SLC25A15: variants seen among roughly 807,000 people sequenced by gnomAD.
The protein encoded by SLC25A15 is solute carrier family 25 member 15.
In SLC25A15, 24 loss-of-function variants were observed where a neutral mutation model predicts 32.3. That is an observed-to-expected ratio of 0.74 (90% CI 0.54 to 1.04). The LOEUF (loss-of-function observed/expected upper bound fraction) is 1.04. SLC25A15 is among the 50% of genes least tolerant of loss of function. The pLI, the probability that SLC25A15 is intolerant of heterozygous loss-of-function variation, is 0.00. For missense variants in SLC25A15, 317 were observed against 374.5 expected (o/e 0.85, Z 1.27); for synonymous variants, 132 against 142.1 (o/e 0.93, Z 0.51).
Position 40,799,202 on chromosome 13 carries a change from C to T in SLC25A15, c.201C>T (p.Thr67=). The part of the protein sequence containing the change: ...QVGFRGFYKG[T]SPALIANIAE... ...GCTTCCGTGGCTTCTACAAGGGTACCAGTCCAGCACTAATCGCCAACATCG... is the reference window on the plus strand; with the variant it reads ...GCTTCCGTGGCTTCTACAAGGGTACTAGTCCAGCACTAATCGCCAACATCG... Residue 67 remains threonine, a synonymous_variant, in exon 3 of 7, where the codon ACC becomes ACT. Coordinates refer to ENST00000338625, the MANE Select transcript of SLC25A15 (RefSeq NM_014252.4). 4.3e-6 allele frequency: 7 copies of T among 1,614,210 alleles called. No homozygotes were observed. Among genetic ancestry groups the T allele is most frequent in the Non-Finnish European group, 5.1e-6 (6 of 1,180,044 alleles).
Position 40,811,017 on chromosome 13 carries a change from A to C in SLC25A15, c.*1350A>C, listed in dbSNP as rs1425341501. ...CAGTGGGTGAACCTCTCTCAGAGAG[A>C]ACTAGAAAGAACTCAGTGCTTGTAC... On this transcript the variant is annotated 3_prime_UTR_variant, in exon 7 of 7. Transcript: ENST00000338625. Among the ~76,000 whole-genome samples the C allele has an allele frequency of 6.6e-6, 1 of 152,162 alleles. No homozygotes were observed. Among genetic ancestry groups the C allele is most frequent in the Non-Finnish European group, 1.5e-5 (1 of 68,026 alleles).
chr13:40,793,084 T>G lies in SLC25A15; in HGVS notation c.-69-74T>G, dbSNP rs118112567. The G allele has an allele frequency of 3.7e-3, 2,959 of 807,498 alleles. 39 individuals are homozygous for G. The East Asian group carries it at 0.04, about 11-fold the overall frequency. The allele number at this position is 807,498 out of a possible 1,614,324, so 50.0% of individuals were successfully genotyped here. A position where few individuals can be genotyped will look rare whatever the true frequency, so the allele number is the denominator to read the frequency against. ...TCATGGCTCCCAGAAGTTTAGGTTC[T>G]GTAATTTGGCTGCAGGCCTAGAGAA... On this transcript the variant is annotated intron_variant, in intron 1 of 6. Coordinates refer to ENST00000338625, the MANE Select transcript of SLC25A15 (RefSeq NM_014252.4).
intron 2 of SLC25A15, among the ~76,000 whole-genome samples, chr13:40,796,172 G>A (rs1049851129): frequency 6.6e-6 from 1 of 152,220 alleles, no homozygotes; most frequent in Non-Finnish European, 1.5e-5. Flanking sequence ...GCTGCAGCCC[G>A]AGGTGATGTG....
At chr13:40,798,856 C>T (rs1881763351) in intron 2 of SLC25A15, 1 of 985,304 alleles carries the variant, frequency 1.0e-6, no homozygotes. Context: ...GCATGAGCTC[C>T]TTCAGGGTGG....
rs1882469146 is a variant in SLC25A15 at position 40,811,866 on chromosome 13, C to A, written c.*2199C>A. ...CTTAAGCTTTTTGCTGTCCATGAATCCTCTGTGGCAACTGTAATCACAGAG... is the reference window on the plus strand; with the variant it reads ...CTTAAGCTTTTTGCTGTCCATGAATACTCTGTGGCAACTGTAATCACAGAG... On this transcript the variant is annotated 3_prime_UTR_variant, in exon 7 of 7. Coordinates refer to ENST00000338625, the MANE Select transcript of SLC25A15 (RefSeq NM_014252.4). Among the ~76,000 whole-genome samples the A allele has an allele frequency of 6.6e-6, 1 of 152,158 alleles. No individual in the cohort carries two copies. The highest frequency in any genetic ancestry group is 1.5e-5 in the Non-Finnish European group (1 of 68,032).
intron 3 of SLC25A15, among the ~76,000 whole-genome samples, chr13:40,804,767 G>A (rs1419019209): frequency 6.6e-6 from 1 of 151,316 alleles, no homozygotes; most frequent in Non-Finnish European, 1.5e-5. Context: ...AGCCAGGATG[G>A]TCTCGATCTC....
At position 40,807,416 on chromosome 13, in the gene SLC25A15, A is replaced by T; in HGVS notation, c.575A>T (p.Glu192Val). The T allele has an allele frequency of 6.2e-7, 1 of 1,614,150 alleles. No homozygotes were observed. Among genetic ancestry groups the T allele is most frequent in the Non-Finnish European group, 8.5e-7 (1 of 1,180,028 alleles). The change falls in exon 5 of 7, where the codon GAA becomes GTA. Residue 192 changes from glutamate to valine, a missense_variant. Transcript: ENST00000338625. ...TATTTCTTCTTCTTCGGTGGCTATG[A>T]ACTGAGCCGGTCCTTTTTTGCATCA... is the stretch of plus-strand genomic sequence containing the variant. ...PGYFFFFGGY[E>V]LSRSFFASGR...
chr13:40,800,113 T>TA (rs1162914756), intron 3 of SLC25A15, among the ~76,000 whole-genome samples: 1 of 152,194 alleles, frequency 6.6e-6, no homozygotes, highest in African/African-American at 2.4e-5. Context: ...AGGGCAGTCT[T>TA]AGTTATTTCA....
intron 1 of SLC25A15, among the ~76,000 whole-genome samples, chr13:40,791,444 A>G (rs1213105640): frequency 6.7e-6 from 1 of 149,218 alleles, no homozygotes; most frequent in African/African-American, 2.5e-5. Flanking sequence ...TGCAACCTCC[A>G]CCTCCCGGGT....
chr13:40,790,887 T>A (rs1003579789), intron 1 of SLC25A15, among the ~76,000 whole-genome samples: 1 of 152,184 alleles, frequency 6.6e-6, no homozygotes, highest in Non-Finnish European at 1.5e-5. Flanking sequence ...GTGCCTGGCC[T>A]ATTTGTAGAA....
At chr13:40,792,536 T>C (rs1042715658) in intron 1 of SLC25A15, among the ~76,000 whole-genome samples, 2 of 152,260 alleles carry the variant, frequency 1.3e-5, no homozygotes, top group African/African-American at 4.8e-5. Flanking sequence ...CACATGATGC[T>C]TGTGCACGGT....
At chr13:40,809,471 A>G (rs1183473951) in intron 6 of SLC25A15, 72 bp from the exon 7 acceptor site, 2 of 1,590,680 alleles carry the variant, frequency 1.3e-6, no homozygotes, top group Non-Finnish European at 1.7e-6. Context: ...AAATATACCT[A>G]TGCTATGCAG....
intron 2 of SLC25A15, among the ~76,000 whole-genome samples, chr13:40,793,618 C>T (rs1229793950): frequency 6.6e-6 from 1 of 152,204 alleles, no homozygotes; most frequent in Admixed American, 6.5e-5. Flanking sequence ...TTAAGCAATG[C>T]CTAACTATAA....
At chr13:40,789,996 G>A (rs1195988662) in intron 1 of SLC25A15, among the ~76,000 whole-genome samples, 2 of 152,228 alleles carry the variant, frequency 1.3e-5, no homozygotes, top group Non-Finnish European at 2.9e-5. Context: ...CCCAGGAGTG[G>A]GCGGCTGGGC....
chr13:40,798,677 C>G, intron 2 of SLC25A15: 1 of 732,536 alleles, frequency 1.4e-6, no homozygotes, highest in Non-Finnish European at 1.7e-6. Context: ...AATCCTCACG[C>G]TAACCCTGTG....
chr13:40,790,798 G>T (rs1169371962), intron 1 of SLC25A15, among the ~76,000 whole-genome samples: 1 of 152,180 alleles, frequency 6.6e-6, no homozygotes, highest in Non-Finnish European at 1.5e-5. Flanking sequence ...TGTTGGTCAG[G>T]CTGGTCTCGA....
At chr13:40,808,797 T>C (rs935709051) in intron 6 of SLC25A15, among the ~76,000 whole-genome samples, 1 of 151,922 alleles carries the variant, frequency 6.6e-6, no homozygotes, top group Non-Finnish European at 1.5e-5. Context: ...CAGCCAGGCG[T>C]GGTGGCAGGC....
rs1427156330 is a variant in SLC25A15 at position 40,812,165 on chromosome 13, A to G, written c.*2498A>G. The stretch of plus-strand genomic sequence containing the variant: ...CAGGAAGTAAACTGCTTCAGAGCCC[A>G]CAGTCCCCTGCTCAGTGTCCGGAAA... On this transcript the variant is annotated 3_prime_UTR_variant, in exon 7 of 7. Transcript: ENST00000338625. 6.6e-6 allele frequency among the ~76,000 whole-genome samples: 1 copy of G among 152,248 alleles called. No homozygotes were observed. The highest frequency in any genetic ancestry group is 1.5e-5 in the Non-Finnish European group (1 of 68,038).
At chr13:40,793,397 A>G in intron 2 of SLC25A15, 116 bp downstream of exon 2, 1 of 888,362 alleles carries the variant, frequency 1.1e-6, no homozygotes, top group Non-Finnish European at 1.8e-6. Context: ...GTTTAGATAC[A>G]TTTAGATACA....
Sources: gnomAD v4.1 joint callset for allele counts (sites outside exome capture counted in the v4.1 genomes callset) on GRCh38, gnomAD v4.1.1 for gene constraint, MANE v1.5 for transcripts, NCBI Gene and HGNC (gene_info 2026-07-23, HGNC 2026-07-21) for gene names.